The following AUTS2 variants were observed in gnomAD, a reference collection of about 807,000 sequenced individuals.
AUTS2 encodes the protein autism susceptibility gene 2 protein.
Under a neutral mutation model 112.4 loss-of-function variants are expected in AUTS2, and 17 were observed. The observed-to-expected ratio is 0.15, with a 90% CI of 0.10 to 0.23. The LOEUF (loss-of-function observed/expected upper bound fraction) is 0.23, where lower values mean the gene tolerates loss of function less well. Ranked by LOEUF, AUTS2 falls within the 10% of genes least tolerant of loss-of-function variation. The pLI is 1.00. For synonymous variants in AUTS2, 751 were observed against 702.7 expected (o/e 1.07, Z -1.09); for missense variants, 1,510 against 1,701.6 (o/e 0.89, Z 1.98).
intron 4 of AUTS2, among the ~76,000 whole-genome samples, chr7:70,142,876 T>C (rs530409410): frequency 9.8e-5 from 15 of 152,342 alleles, no homozygotes; most frequent in African/African-American, 3.6e-4. Context: ...GTTGCATTTG[T>C]TGATACAAGC....
intron 1 of AUTS2, among the ~76,000 whole-genome samples, chr7:69,690,633 G>T (rs1191551947): frequency 6.6e-6 from 1 of 152,170 alleles, no homozygotes; most frequent in Non-Finnish European, 1.5e-5. Flanking sequence ...GGGCACTGGG[G>T]AATGCGGTGG....
chr7:70,619,550 G>C (rs1200809639), intron 5 of AUTS2, among the ~76,000 whole-genome samples: 3 of 142,432 alleles, frequency 2.1e-5, no homozygotes. Flanking sequence ...AATTAGAAGT[G>C]CTGGTCAAGG....
intron 5 of AUTS2, among the ~76,000 whole-genome samples, chr7:70,481,846 G>A (rs1797800672): frequency 6.6e-6 from 1 of 152,118 alleles, no homozygotes; most frequent in Non-Finnish European, 1.5e-5. Flanking sequence ...ATTAAAGCTT[G>A]TCCTCTTAAA....
chr7:70,742,754 C>T (rs1433034336), intron 6 of AUTS2, among the ~76,000 whole-genome samples: 2 of 152,016 alleles, frequency 1.3e-5, no homozygotes, highest in Non-Finnish European at 2.9e-5. Flanking sequence ...AGGAGCGAAA[C>T]TCCATCTCAA....
At chr7:69,776,315 T>G (rs1289076426) in intron 1 of AUTS2, among the ~76,000 whole-genome samples, 2 of 152,210 alleles carry the variant, frequency 1.3e-5, no homozygotes, top group African/African-American at 4.8e-5. Flanking sequence ...GTTAGGTTTT[T>G]CCTTTCCTAG....
intron 4 of AUTS2, among the ~76,000 whole-genome samples, chr7:70,177,949 C>T (rs368946988): frequency 6.2e-5 from 9 of 145,464 alleles, no homozygotes; most frequent in African/African-American, 1.5e-4. Flanking sequence ...TGGAGTCTTG[C>T]GCTGTCACCA....
chr7:70,182,799 A>G (rs1809389135), intron 4 of AUTS2, among the ~76,000 whole-genome samples: 1 of 151,616 alleles, frequency 6.6e-6, no homozygotes, highest in Non-Finnish European at 1.5e-5. Flanking sequence ...AAAAAAAAAG[A>G]CCATATTCTC....
chr7:70,514,461 G>A (rs1474941252), intron 5 of AUTS2, among the ~76,000 whole-genome samples: 3 of 152,252 alleles, frequency 2.0e-5, no homozygotes, highest in South Asian at 2.1e-4. Flanking sequence ...GGGAGCCAAT[G>A]TATCACAGGG....
At chr7:70,231,506 G>C (rs1273846925) in intron 4 of AUTS2, among the ~76,000 whole-genome samples, 2 of 151,992 alleles carry the variant, frequency 1.3e-5, no homozygotes, top group South Asian at 4.1e-4. Context: ...GCAGTGGCAC[G>C]ATCTTGGCTC....
chr7:69,847,334 T>A (rs1336182011), intron 1 of AUTS2, among the ~76,000 whole-genome samples: 1 of 152,156 alleles, frequency 6.6e-6, no homozygotes, highest in Non-Finnish European at 1.5e-5. Flanking sequence ...CTTTGAGGAG[T>A]TCACAAAGTC....
rs543699953 is a variant in AUTS2 at position 69,779,694 on chromosome 7, C to T, written c.310-119592C>T. Among the ~76,000 whole-genome samples, 41 of 145,526 alleles carry T rather than the reference C, an allele frequency of 2.8e-4. No individual in the cohort carries two copies. The South Asian group carries it at 3.9e-3, about 14-fold the overall frequency. On this transcript the variant is annotated intron_variant, in intron 1 of 18. Transcript: ENST00000342771. ...AGGAGAATCACTTGAACTCGGGAGGCGGAGGTTGCAGTGAGCCCGAGATTG... is the reference window on the plus strand; with the variant it reads ...AGGAGAATCACTTGAACTCGGGAGGTGGAGGTTGCAGTGAGCCCGAGATTG...
At chr7:70,579,866 C>G (rs910227906) in intron 5 of AUTS2, among the ~76,000 whole-genome samples, 6 of 152,122 alleles carry the variant, frequency 3.9e-5, no homozygotes, top group Non-Finnish European at 8.8e-5. Context: ...GAGAATCTGC[C>G]CCTAAGCCAC....
chr7:69,993,731 TC>T (rs1482386496), intron 2 of AUTS2, among the ~76,000 whole-genome samples: 1 of 152,034 alleles, frequency 6.6e-6, no homozygotes, highest in Non-Finnish European at 1.5e-5. Flanking sequence ...GACCCTGTCT[TC>T]CTGTCTCTCT....
intron 4 of AUTS2, among the ~76,000 whole-genome samples, chr7:70,245,099 G>A (rs1384833739): frequency 6.8e-5 from 9 of 132,874 alleles, no homozygotes; most frequent in Admixed American, 6.4e-4. Flanking sequence ...CAGCCTGGGT[G>A]ACAGAGTGAG....
intron 4 of AUTS2, among the ~76,000 whole-genome samples, chr7:70,413,895 G>A (rs769458152): frequency 6.6e-6 from 1 of 152,002 alleles, no homozygotes; most frequent in Non-Finnish European, 1.5e-5. Context: ...GGCTGGTCTT[G>A]AACTCCTAGG....
chr7:70,758,228 C>G (rs1015970757), intron 6 of AUTS2, among the ~76,000 whole-genome samples: 1 of 152,096 alleles, frequency 6.6e-6, no homozygotes, highest in Non-Finnish European at 1.5e-5. Flanking sequence ...TGCAAACATA[C>G]GTAACCAGTC....
At chr7:69,775,381 T>G (rs1361616783) in intron 1 of AUTS2, among the ~76,000 whole-genome samples, 1 of 152,256 alleles carries the variant, frequency 6.6e-6, no homozygotes, top group Non-Finnish European at 1.5e-5. Flanking sequence ...TCACGGCTTT[T>G]AGGCCTCTCC....
intron 1 of AUTS2, among the ~76,000 whole-genome samples, chr7:69,668,875 C>G (rs1481341103): frequency 6.6e-6 from 1 of 152,078 alleles, no homozygotes; most frequent in Admixed American, 6.6e-5. Context: ...ATACCTATGG[C>G]AAGAACCTGT....
intron 5 of AUTS2, among the ~76,000 whole-genome samples, chr7:70,591,664 G>T (rs1039264765): frequency 4.6e-5 from 7 of 152,180 alleles, no homozygotes; most frequent in Admixed American, 6.5e-5. Context: ...CTCCGAAAGT[G>T]CTGGGGTTAC....
Sources: gnomAD v4.1 joint callset for allele counts (sites outside exome capture counted in the v4.1 genomes callset) on GRCh38, gnomAD v4.1.1 for gene constraint, MANE v1.5 for transcripts, NCBI Gene and HGNC (gene_info 2026-07-23, HGNC 2026-07-21) for gene names.